PTPRM: variants seen among roughly 807,000 people sequenced by gnomAD.
The protein encoded by PTPRM is protein tyrosine phosphatase receptor type M.
PTPRM carries 47 observed loss-of-function variants against 186.7 expected under a neutral mutation model. That is an observed-to-expected ratio of 0.25 (90% CI 0.20 to 0.32). The LOEUF (loss-of-function observed/expected upper bound fraction) is 0.32. Among genes scored for constraint, PTPRM ranks in the 10% least tolerant of loss-of-function variants. The pLI is 1.00. For synonymous variants in PTPRM, 668 were observed against 674.9 expected, an observed-to-expected ratio of 0.99 and a Z score of 0.16; for missense variants, 1,494 against 1,865.0, an observed-to-expected ratio of 0.80 and a Z score of 3.66.
chr18:7,877,585 T>G (rs2048308485), intron 2 of PTPRM, among the ~76,000 whole-genome samples: 1 of 152,230 alleles, frequency 6.6e-6, no homozygotes, highest in Admixed American at 6.5e-5. Context: ...GTGATTTACC[T>G]TATTTAATTT....
In PTPRM at chr18:8,076,539, C is replaced by T. The variant is rs755055378; in HGVS notation, c.1526C>T (p.Thr509Ile). 2 of 1,588,322 alleles carry T rather than the reference C, an allele frequency of 1.3e-6. No homozygotes were observed. Among genetic ancestry groups the T allele is most frequent in the African/African-American group, 2.7e-5 (2 of 74,302 alleles). ...IFLQWREPTQ[T>I]YGVITLYEIT... ...CTTCAGTGGAGAGAACCAACTCAAACATATGGTGTAATCACTTTATATGAG... is the reference window on the plus strand; with the variant it reads ...CTTCAGTGGAGAGAACCAACTCAAATATATGGTGTAATCACTTTATATGAG... Residue 509 changes from threonine to isoleucine, a missense_variant, in exon 9 of 33, where the codon ACA (threonine) becomes ATA (isoleucine). Physicochemically the swap from Thr to Ile is moderately conservative, Grantham distance 89. This residue lies in a region of PTPRM where 1,107 missense variants were observed against 1,350.2 expected (regional missense o/e 0.82). Transcript: ENST00000580170.
At chr18:7,691,806 A>G (rs1403235844) in intron 1 of PTPRM, among the ~76,000 whole-genome samples, 1 of 152,202 alleles carries the variant, frequency 6.6e-6, no homozygotes, top group African/African-American at 2.4e-5. Flanking sequence ...ATGGTGGCAC[A>G]TGCTCGTAGT....
chr18:8,344,844 C>T (rs927979133), intron 23 of PTPRM, among the ~76,000 whole-genome samples: 4 of 151,968 alleles, frequency 2.6e-5, no homozygotes, highest in African/African-American at 9.7e-5. Context: ...TAGATGTTGA[C>T]TGCCACACAG....
Position 7,567,829 on chromosome 18 carries a change from T to A in PTPRM, c.11T>A (p.Leu4His). MRGLGTCLATLAGL... is the reference protein window; with the variant it reads MRGHGTCLATLAGL... Reference sequence around the variant, plus strand: ...CCCGCACTCAGCACCATGAGGGGACTTGGGACTTGCCTGGCGACTTTGGCC... The same window carrying A: ...CCCGCACTCAGCACCATGAGGGGACATGGGACTTGCCTGGCGACTTTGGCC... Residue 4 changes from leucine to histidine, a missense_variant, in exon 1 of 33, where the codon CTT (leucine) becomes CAT (histidine). Leu to His is a moderately conservative substitution (Grantham distance 99). This residue lies in a region of PTPRM where 296 missense variants were observed against 345.5 expected (regional missense o/e 0.86). Coordinates refer to ENST00000580170, the MANE Select transcript of PTPRM (RefSeq NM_001105244.2). The surrounding 1 kb of genome is among the most constrained non-coding windows in gnomAD (Gnocchi z 4.3). 1 of 1,558,300 alleles carries A rather than the reference T, an allele frequency of 6.4e-7. No homozygotes were observed. Among genetic ancestry groups the A allele is most frequent in the Non-Finnish European group, 8.6e-7 (1 of 1,156,178 alleles).
chr18:8,188,502 A>T (rs1285302084), intron 14 of PTPRM, among the ~76,000 whole-genome samples: 1 of 152,202 alleles, frequency 6.6e-6, no homozygotes, highest in Non-Finnish European at 1.5e-5. Flanking sequence ...TCCAGCTGAA[A>T]TACTAGCCCC....
chr18:7,605,179 C>CT (rs928881665), intron 1 of PTPRM, among the ~76,000 whole-genome samples: 14 of 143,562 alleles, frequency 9.8e-5, no homozygotes, highest in African/African-American at 3.4e-4. Flanking sequence ...AACTGATGAG[C>CT]TTAAAAAAAT....
Position 7,577,367 on chromosome 18 carries a change from G to C in PTPRM, c.73+9476G>C, listed in dbSNP as rs529356903. The stretch of plus-strand genomic sequence containing the variant: ...AAAAAATGAAATTTACTATGCAGTA[G>C]ATTTATCATGACTGTACTCTAGGGG... On this transcript the variant is annotated intron_variant, in intron 1 of 32. Transcript: ENST00000580170. Among the ~76,000 whole-genome samples the C allele has an allele frequency of 6.5e-4, 99 of 152,208 alleles. 2 individuals carry two copies. The South Asian group carries it at 0.02, about 31-fold the overall frequency.
At chr18:8,288,713 A>G (rs192037061) in intron 19 of PTPRM, among the ~76,000 whole-genome samples, 3 of 152,196 alleles carry the variant, frequency 2.0e-5, no homozygotes, top group African/African-American at 7.2e-5. Context: ...ATGGTTCTCA[A>G]CTTATTTCTG....
chr18:7,907,067 T>C (rs1394500216), intron 4 of PTPRM, among the ~76,000 whole-genome samples: 2 of 152,344 alleles, frequency 1.3e-5, no homozygotes, highest in East Asian at 1.9e-4. Context: ...AGAAATGGCC[T>C]GCTCTTCATC....
chr18:8,383,249 G>T (rs1467942602), intron 29 of PTPRM, among the ~76,000 whole-genome samples: 1 of 116,590 alleles, frequency 8.6e-6, no homozygotes, highest in Non-Finnish European at 1.6e-5. Context: ...GGTGAGCCGA[G>T]ATCACACCAC....
intron 4 of PTPRM, among the ~76,000 whole-genome samples, chr18:7,918,989 C>G (rs541528168): frequency 6.6e-6 from 1 of 152,118 alleles, no homozygotes; most frequent in Non-Finnish European, 1.5e-5. Context: ...ACAGAGGAGG[C>G]TAGTTTCCTT....
At chr18:7,636,210 T>A (rs2038308647) in intron 1 of PTPRM, among the ~76,000 whole-genome samples, 1 of 151,982 alleles carries the variant, frequency 6.6e-6, no homozygotes, top group African/African-American at 2.4e-5. Flanking sequence ...CTGCAGTGCT[T>A]GGAATCTAGT....
chr18:8,387,772 G>A (rs557962562), intron 31 of PTPRM, among the ~76,000 whole-genome samples: 19 of 152,230 alleles, frequency 1.2e-4, no homozygotes, highest in East Asian at 5.8e-4. Flanking sequence ...GTGTGCGCGC[G>A]CGTGCATGCT....
chr18:7,852,942 TG>T (rs1448130081), intron 2 of PTPRM, among the ~76,000 whole-genome samples: 3 of 152,174 alleles, frequency 2.0e-5, no homozygotes, highest in Admixed American at 1.3e-4. Context: ...TGAACTAAAC[TG>T]TTAAAAAGTT....
chr18:8,199,620 C>A (rs1267612804), intron 14 of PTPRM, among the ~76,000 whole-genome samples: 1 of 152,158 alleles, frequency 6.6e-6, no homozygotes, highest in Non-Finnish European at 1.5e-5. Context: ...CAGGAAGATT[C>A]ATTTATTATT....
intron 2 of PTPRM, among the ~76,000 whole-genome samples, chr18:7,871,615 T>C (rs1364557397): frequency 6.6e-6 from 1 of 152,206 alleles, no homozygotes; most frequent in Admixed American, 6.5e-5. Context: ...CAGCCTGTTC[T>C]CCATCTGTGG....
At chr18:8,119,721 G>A (rs1318753597) in intron 13 of PTPRM, among the ~76,000 whole-genome samples, 2 of 152,212 alleles carry the variant, frequency 1.3e-5, no homozygotes, top group Non-Finnish European at 1.5e-5. Context: ...CTGGAGTCAT[G>A]CAAAATGCAG....
intron 7 of PTPRM, among the ~76,000 whole-genome samples, chr18:8,055,306 T>C (rs886785585): frequency 6.6e-6 from 1 of 152,148 alleles, no homozygotes; most frequent in Non-Finnish European, 1.5e-5. Flanking sequence ...TTTCTTATTT[T>C]CTATTATGTT....
At chr18:7,689,033 A>C (rs2039674040) in intron 1 of PTPRM, among the ~76,000 whole-genome samples, 1 of 152,194 alleles carries the variant, frequency 6.6e-6, no homozygotes, top group South Asian at 2.1e-4. Context: ...CTGTAGTCCA[A>C]ACAGGATCTC....
Sources: gnomAD v4.1 joint callset for allele counts (sites outside exome capture counted in the v4.1 genomes callset) on GRCh38, gnomAD v4.1.1 for gene constraint, gnomAD v4.1.1 regional missense constraint, Gnocchi (gnomAD v3.1) non-coding constraint, MANE v1.5 for transcripts, NCBI Gene and HGNC (gene_info 2026-07-23, HGNC 2026-07-21) for gene names.